The following RPS6KA5 variants were observed in gnomAD, a reference collection of about 807,000 sequenced individuals.
The protein encoded by RPS6KA5 is ribosomal protein S6 kinase alpha-5.
Under a neutral mutation model 85.5 loss-of-function variants are expected in RPS6KA5, and 27 were observed. The ratio of observed to expected loss-of-function variants is 0.32; its 90% CI spans 0.23 to 0.44. The LOEUF is 0.44. Among genes scored for constraint, RPS6KA5 ranks in the 20% least tolerant of loss-of-function variants. The probability of loss-of-function intolerance (pLI) is 1.00; values close to 1 mark genes in which losing one functional copy is unlikely to be tolerated. For synonymous variants in RPS6KA5, 334 were observed against 348.2 expected, an observed-to-expected ratio of 0.96 and a Z score of 0.46; for missense variants, 811 against 980.9, an observed-to-expected ratio of 0.83 and a Z score of 2.31.
intron 14 of RPS6KA5, among the ~76,000 whole-genome samples, chr14:90,882,673 T>G (rs911280335): frequency 2.0e-5 from 3 of 148,780 alleles, no homozygotes; most frequent in East Asian, 2.0e-4. Flanking sequence ...TGGTTGACAG[T>G]TTTTTTTTTC....
intron 1 of RPS6KA5, among the ~76,000 whole-genome samples, chr14:91,011,123 G>C (rs911631711): frequency 3.3e-5 from 5 of 152,110 alleles, no homozygotes; most frequent in Non-Finnish European, 7.4e-5. Flanking sequence ...AGAAGAACTT[G>C]AACTTTCCTA....
At chr14:90,880,831 C>CT (rs560458875) in intron 14 of RPS6KA5, among the ~76,000 whole-genome samples, 6,169 of 132,432 alleles carry the variant, frequency 0.047, 186 homozygotes, top group African/African-American at 0.074. Flanking sequence ...CTTTTGTAAA[C>CT]TTTTTTTTTT....
intron 7 of RPS6KA5, among the ~76,000 whole-genome samples, 197 bp from the exon 8 acceptor site, chr14:90,906,496 A>C (rs1193821848): frequency 2.0e-5 from 3 of 152,200 alleles, no homozygotes; most frequent in Non-Finnish European, 2.9e-5. Flanking sequence ...AACTCAAAAG[A>C]GCAGTAACAA....
chr14:91,045,260 CT>C (rs557182210), intron 1 of RPS6KA5, among the ~76,000 whole-genome samples: 5,891 of 132,786 alleles, frequency 0.044, 223 homozygotes, highest in African/African-American at 0.12. Flanking sequence ...TCTGCTGATT[CT>C]TTTTTTTTTT....
At chr14:90,983,192 G>A (rs1414303281) in intron 2 of RPS6KA5, among the ~76,000 whole-genome samples, 3 of 150,426 alleles carry the variant, frequency 2.0e-5, no homozygotes, top group African/African-American at 7.3e-5. Flanking sequence ...CAGGAGAATC[G>A]CTTTAACCCA....
At chr14:90,903,034 A>G (rs913107380) in intron 8 of RPS6KA5, 65 bp from the exon 9 acceptor site, 10 of 1,408,144 alleles carry the variant, frequency 7.1e-6, no homozygotes, top group African/African-American at 2.9e-5. Context: ...TAAGAATAAC[A>G]AAGATAAATT....
intron 2 of RPS6KA5, among the ~76,000 whole-genome samples, chr14:90,999,428 G>A (rs747526112): frequency 1.1e-4 from 16 of 152,226 alleles, no homozygotes; most frequent in Admixed American, 8.5e-4. Flanking sequence ...AACTGCAGCG[G>A]GGAAGAAAAA....
intron 1 of RPS6KA5, among the ~76,000 whole-genome samples, chr14:91,050,601 G>C (rs2043038620): frequency 6.6e-6 from 1 of 151,934 alleles, no homozygotes; most frequent in Admixed American, 6.6e-5. Context: ...GCTAATTTTT[G>C]TATTTTTAGT....
At chr14:91,025,903 G>A (rs2041973486) in intron 1 of RPS6KA5, among the ~76,000 whole-genome samples, 1 of 151,836 alleles carries the variant, frequency 6.6e-6, no homozygotes. Context: ...GTTATACAGT[G>A]TAATGCTGAG....
rs564354824 is a variant in RPS6KA5 at position 90,849,350 on chromosome 14, G to C, written c.*22724C>G. 1 of 152,324 alleles carries C rather than the reference G, an allele frequency of 6.6e-6. No homozygotes were observed. The highest frequency in any genetic ancestry group is 2.4e-5 in the African/African-American group (1 of 41,560). The allele number at this position is 152,324 out of a possible 1,614,324, so 9.4% of individuals were successfully genotyped here. ...GTCTGAAGACAAAAGTTTTTTAAGAGGGCACGGACTCCGGATCTTTTATCT... is the reference window on the plus strand; with the variant it reads ...GTCTGAAGACAAAAGTTTTTTAAGACGGCACGGACTCCGGATCTTTTATCT... On this transcript the variant is annotated 3_prime_UTR_variant, in exon 17 of 17. Coordinates refer to ENST00000614987, the MANE Select transcript of RPS6KA5 (RefSeq NM_004755.4).
chr14:91,044,867 CAAA>C (rs748430714), intron 1 of RPS6KA5, among the ~76,000 whole-genome samples: 1 of 70,424 alleles, frequency 1.4e-5, no homozygotes. Flanking sequence ...CGAGACGTGT[CAAA>C]AAAAAAAAAA....
At position 90,937,769 on chromosome 14, in the gene RPS6KA5, G is replaced by T. The variant is rs1157589162; in HGVS notation, c.618+5309C>A. 4.6e-5 allele frequency among the ~76,000 whole-genome samples: 7 copies of T among 152,152 alleles called. No homozygotes were observed. The East Asian group carries it at 1.3e-3, about 29-fold the overall frequency. Reference sequence around the variant, plus strand: ...TTTTTTAAACAGTCAGATCTTGCAAGACTTACTCATTATCATGAGAACAGC... The same window carrying T: ...TTTTTTAAACAGTCAGATCTTGCAATACTTACTCATTATCATGAGAACAGC... On this transcript the variant is annotated intron_variant, in intron 5 of 16. Transcript: ENST00000614987.
intron 8 of RPS6KA5, among the ~76,000 whole-genome samples, chr14:90,905,443 C>T (rs374677047): frequency 3.9e-5 from 6 of 152,194 alleles, no homozygotes; most frequent in South Asian, 2.1e-4. Context: ...AAATCAAAGC[C>T]GTGGCATCCC....
intron 1 of RPS6KA5, among the ~76,000 whole-genome samples, chr14:91,039,340 C>T (rs181981459): frequency 1.6e-4 from 24 of 152,130 alleles, no homozygotes; most frequent in African/African-American, 9.6e-5. Flanking sequence ...TTCATGAAAG[C>T]GATTTGGAAG....
chr14:90,980,012 G>A (rs2039724162), intron 2 of RPS6KA5, among the ~76,000 whole-genome samples: 1 of 152,162 alleles, frequency 6.6e-6, no homozygotes, highest in African/African-American at 2.4e-5. Flanking sequence ...ACACATTCCA[G>A]GGCACAGAAA....
chr14:90,996,663 G>A (rs570560144), intron 2 of RPS6KA5, among the ~76,000 whole-genome samples: 1 of 151,982 alleles, frequency 6.6e-6, no homozygotes, highest in Non-Finnish European at 1.5e-5. Flanking sequence ...TTGATCAATT[G>A]TACTAATATT....
intron 1 of RPS6KA5, among the ~76,000 whole-genome samples, chr14:91,059,809 CG>C: frequency 6.6e-6 from 1 of 152,344 alleles, no homozygotes; most frequent in South Asian, 2.1e-4. Context: ...AGACTGGACT[CG>C]GTAAAAGCCC....
At chr14:90,948,215 T>C (rs923517054) in intron 3 of RPS6KA5, among the ~76,000 whole-genome samples, 2 of 152,220 alleles carry the variant, frequency 1.3e-5, no homozygotes, top group African/African-American at 4.8e-5. Flanking sequence ...GTTAATTTTT[T>C]AAAAAACCAA....
chr14:90,919,766 G>T (rs1269555997), intron 7 of RPS6KA5, among the ~76,000 whole-genome samples: 3 of 152,150 alleles, frequency 2.0e-5, no homozygotes, highest in African/African-American at 4.8e-5. Flanking sequence ...AGACCTACAA[G>T]AGGATAATTT....
Sources: gnomAD v4.1 joint callset for allele counts (sites outside exome capture counted in the v4.1 genomes callset) on GRCh38, gnomAD v4.1.1 for gene constraint, MANE v1.5 for transcripts, NCBI Gene and HGNC (gene_info 2026-07-23, HGNC 2026-07-21) for gene names.